HESX1: variants seen among roughly 807,000 people sequenced by gnomAD.
HESX1 encodes the protein homeobox expressed in ES cells 1.
Under a neutral mutation model 22.5 loss-of-function variants are expected in HESX1, and 11 were observed. The observed-to-expected ratio is 0.49, with a 90% CI of 0.31 to 0.81. HESX1 has a LOEUF of 0.81. Among genes scored for constraint, HESX1 ranks in the 30% least tolerant of loss-of-function variants. The pLI, the probability that HESX1 is intolerant of heterozygous loss-of-function variation, is 0.05. For synonymous variants in HESX1, 74 were observed against 76.5 expected (o/e 0.97, Z 0.17); for missense variants, 201 against 212.6 (o/e 0.95, Z 0.34).
In HESX1 at chr3:57,211,527, C is replaced by CAAA. The variant is rs61137408; in HGVS notation, c.-110-11502_-110-11500dup. Among the ~76,000 whole-genome samples the CAAA allele has an allele frequency of 4.7e-4, 15 of 31,964 alleles. 1 individual carries two copies. The highest frequency in any genetic ancestry group is 9.7e-4 in the Admixed American group (2 of 2,064). 21.0% of individuals were successfully genotyped at this position (31,964 alleles called of 152,430 possible). The stretch of plus-strand genomic sequence containing the variant: ...TCTGGGTGACAGAGAGAGACCTTGT[C>CAAA]AAAAAAAAAAAAAAAAAAAAAAAAG... On this transcript the variant is annotated intron_variant, in intron 1 of 2. Coordinates refer to the HESX1 transcript ENST00000495160.
chr3:57,221,068 A>C (rs1481451984), intron 1 of HESX1, among the ~76,000 whole-genome samples: 2 of 151,900 alleles, frequency 1.3e-5, no homozygotes, highest in Non-Finnish European at 2.9e-5. Flanking sequence ...CAGCCACTCC[A>C]AGTTTTTGTT....
chr3:57,209,217 T>A (rs891909151), intron 1 of HESX1, among the ~76,000 whole-genome samples: 1 of 152,208 alleles, frequency 6.6e-6, no homozygotes, highest in African/African-American at 2.4e-5. Context: ...GTAATTAAGT[T>A]TAATTTAATT....
At chr3:57,221,935 T>A (rs995579588) in intron 1 of HESX1, among the ~76,000 whole-genome samples, 2 of 152,210 alleles carry the variant, frequency 1.3e-5, no homozygotes, top group African/African-American at 4.8e-5. Flanking sequence ...CTACTTACTA[T>A]GTTTATTTTT....
In HESX1 at chr3:57,198,160, G is replaced by A. The variant is rs760474475; in HGVS notation, c.*37C>T. ...TATTTCCACTGATTCTTCATGCTCT[G>A]CAATTAGAAGATAATTTCACTTGTT... On this transcript the variant is annotated 3_prime_UTR_variant, in exon 4 of 4. Transcript: ENST00000295934. 4 of 1,214,042 alleles carry A rather than the reference G, an allele frequency of 3.3e-6. No individual in the cohort carries two copies. The South Asian group carries it at 4.9e-5, about 15-fold the overall frequency. 75.2% of individuals were successfully genotyped at this position (1,214,042 alleles called of 1,614,324 possible).
chr3:57,202,668 T>C (rs1317227960), upstream of HESX1, among the ~76,000 whole-genome samples: 4 of 152,210 alleles, frequency 2.6e-5, no homozygotes, highest in South Asian at 2.1e-4. Context: ...GCACTTAATA[T>C]GTGCCAGACA....
intron 1 of HESX1, among the ~76,000 whole-genome samples, chr3:57,205,892 A>G (rs1328223037): frequency 2.0e-5 from 3 of 152,072 alleles, no homozygotes; most frequent in Non-Finnish European, 4.4e-5. Context: ...ACTCCCTAGC[A>G]TTCAAAACAG....
intron 1 of HESX1, among the ~76,000 whole-genome samples, chr3:57,206,502 T>A (rs919154201): frequency 1.3e-5 from 2 of 152,180 alleles, no homozygotes; most frequent in Admixed American, 6.5e-5. Context: ...AAACATACCT[T>A]TAAATGCATT....
At position 57,199,866 on chromosome 3, in the gene HESX1, G is replaced by A. The variant is rs1227572193; in HGVS notation, c.53C>T (p.Thr18Ile). 1.2e-6 allele frequency: 2 copies of A among 1,614,078 alleles called. No individual in the cohort carries two copies. Among genetic ancestry groups the A allele is most frequent in the East Asian group, 2.2e-5 (1 of 44,878 alleles). ...GAQLGENKPS[T>I]CSFSIERILG... ...GATTCTCTCAATTGAAAAGGAGCAA[G>A]TTGAGGGTTTGTTTTCCCCGAGCTG... The change falls in exon 1 of 4, where the codon ACT becomes ATT. Residue 18 changes from threonine to isoleucine, a missense_variant. Thr to Ile is a moderately conservative substitution (Grantham distance 89). Transcript: ENST00000295934.
At chr3:57,209,087 G>C (rs950510343) in intron 1 of HESX1, among the ~76,000 whole-genome samples, 1 of 152,160 alleles carries the variant, frequency 6.6e-6, no homozygotes, top group Non-Finnish European at 1.5e-5. Flanking sequence ...AACCAATTGA[G>C]TTTTCTGGGA....
intron 1 of HESX1, among the ~76,000 whole-genome samples, chr3:57,212,191 G>C (rs957122220): frequency 6.6e-6 from 1 of 152,078 alleles, no homozygotes; most frequent in Non-Finnish European, 1.5e-5. Context: ...ATAATGTCTT[G>C]TATATATCAA....
At chr3:57,203,961 C>G (rs940243438), upstream of HESX1, among the ~76,000 whole-genome samples, 4 of 152,212 alleles carry the variant, frequency 2.6e-5, no homozygotes, top group South Asian at 4.1e-4. Context: ...GCCCAGCCCC[C>G]TCTTGTGCTT....
chr3:57,211,549 A>AAAAAAAAAAAAC (rs1250966283), intron 1 of HESX1, among the ~76,000 whole-genome samples: 3 of 147,198 alleles, frequency 2.0e-5, no homozygotes, highest in African/African-American at 5.0e-5. Flanking sequence ...AAAAAAAAAA[A>AAAAAAAAAAAAC]AAGCCAGGCA....
chr3:57,198,419 T>G lies in HESX1; in HGVS notation c.431A>C (p.Lys144Thr), dbSNP rs2060461605. ...GIDIREDLAQKLNLEEDRIQI... is the reference protein window; with the variant it reads ...GIDIREDLAQTLNLEEDRIQI... ...GATTCTGTCTTCCTCTAGATTCAAT[T>G]TTTGAGCTAAGTCTTCTCTAATATC... Residue 144 changes from lysine to threonine, a missense_variant, in exon 3 of 4, where the codon AAA becomes ACA. Coordinates refer to ENST00000295934, the MANE Select transcript of HESX1 (RefSeq NM_003865.3). The G allele has an allele frequency of 6.2e-7, 1 of 1,607,006 alleles. No homozygotes were observed.
chr3:57,218,592 C>T (rs920891011), intron 1 of HESX1, among the ~76,000 whole-genome samples: 9 of 151,900 alleles, frequency 5.9e-5, no homozygotes, highest in East Asian at 1.9e-4. Context: ...GACAGGCACC[C>T]GCCACCACAC....
At chr3:57,203,923 G>A (rs2060504449), upstream of HESX1, among the ~76,000 whole-genome samples, 1 of 152,016 alleles carries the variant, frequency 6.6e-6, no homozygotes, top group African/African-American at 2.4e-5. Context: ...TGCCTGACTC[G>A]TCCTCCCAAA....
At chr3:57,226,209 A>G (rs1253032595) in intron 1 of HESX1, 3 of 150,798 alleles carry the variant, frequency 2.0e-5, no homozygotes, top group Non-Finnish European at 4.4e-5. Context: ...CATTGTTTAC[A>G]CTCCTCACTT....
At chr3:57,225,858 A>T (rs937508511) in intron 1 of HESX1, among the ~76,000 whole-genome samples, 1 of 151,726 alleles carries the variant, frequency 6.6e-6, no homozygotes, top group Non-Finnish European at 1.5e-5. Context: ...TTAATTAGGT[A>T]ACAAATACTT....
chr3:57,216,151 C>G (rs2060581329), intron 1 of HESX1, among the ~76,000 whole-genome samples: 2 of 152,226 alleles, frequency 1.3e-5, no homozygotes, highest in Non-Finnish European at 1.5e-5. Flanking sequence ...CCCCAAATAA[C>G]TTCCTTCACA....
At chr3:57,221,636 G>A (rs1488653327) in intron 1 of HESX1, among the ~76,000 whole-genome samples, 4 of 151,326 alleles carry the variant, frequency 2.6e-5, no homozygotes, top group East Asian at 2.0e-4. Flanking sequence ...AGATGGAGTC[G>A]TGCTCTGTCA....
Sources: gnomAD v4.1 joint callset for allele counts (sites outside exome capture counted in the v4.1 genomes callset) on GRCh38, gnomAD v4.1.1 for gene constraint, MANE v1.5 for transcripts, NCBI Gene and HGNC (gene_info 2026-07-23, HGNC 2026-07-21) for gene names.